Variants in CA8 observed in about 807,000 individuals in gnomAD.
The protein encoded by CA8 is carbonic anhydrase 8 (inactive).
A neutral mutation model predicts 41.4 loss-of-function variants in CA8; 22 were observed. The observed-to-expected ratio is 0.53, with a 90% CI of 0.38 to 0.76. The LOEUF is 0.76. CA8 is among the 30% of genes least tolerant of loss of function. The pLI is 0.00. For missense variants in CA8, 270 were observed against 352.8 expected (o/e 0.77, Z 1.88); for synonymous variants, 121 against 130.6 (o/e 0.93, Z 0.50).
chr8:60,232,441 A>C, intron 3 of CA8, 62 bp from the exon 4 acceptor site: 5 of 1,094,528 alleles, frequency 4.6e-6, no homozygotes, highest in Non-Finnish European at 7.1e-6. Context: ...CATAAAAGCA[A>C]AGATATAGCC....
At chr8:60,240,719 C>G (rs946078241) in intron 3 of CA8, among the ~76,000 whole-genome samples, 1 of 116,788 alleles carries the variant, frequency 8.6e-6, no homozygotes, top group Non-Finnish European at 1.7e-5. Context: ...GCTTAATTGC[C>G]TTCCTCAGCC....
chr8:60,233,244 A>C (rs1294482592), intron 3 of CA8, among the ~76,000 whole-genome samples: 3 of 152,232 alleles, frequency 2.0e-5, no homozygotes, highest in African/African-American at 7.2e-5. Flanking sequence ...ACGTCGCCTT[A>C]TTTTAAAATT....
chr8:60,208,689 C>G, intron 8 of CA8, 61 bp downstream of exon 8: 1 of 1,404,896 alleles, frequency 7.1e-7, no homozygotes, highest in Non-Finnish European at 1.0e-6. Context: ...ATAAGTGTAC[C>G]TTTGGTACGC....
rs562996437 is a variant in CA8 at position 60,197,365 on chromosome 8, T to A, written c.*36-7380A>T. 3.9e-5 allele frequency among the ~76,000 whole-genome samples: 6 copies of A among 151,962 alleles called. No homozygotes were observed. In the South Asian group the frequency reaches 1.0e-3, roughly 26 times the overall value. On this transcript the variant is annotated intron_variant, in intron 8 of 8. Coordinates refer to ENST00000317995, the MANE Select transcript of CA8 (RefSeq NM_004056.6). Reference sequence around the variant, plus strand: ...TATATGTAACCATATGAGACACATATATAAAGAGAGGTCAATGGACAATCA... The same window carrying A: ...TATATGTAACCATATGAGACACATAAATAAAGAGAGGTCAATGGACAATCA...
chr8:60,245,786 A>G (rs1276691316), intron 3 of CA8, among the ~76,000 whole-genome samples: 1 of 152,214 alleles, frequency 6.6e-6, no homozygotes, highest in African/African-American at 2.4e-5. Context: ...GGAACAGGAA[A>G]GGCATCAATG....
At chr8:60,228,627 C>T (rs770210538) in intron 4 of CA8, among the ~76,000 whole-genome samples, 16 of 152,296 alleles carry the variant, frequency 1.1e-4, no homozygotes, top group Non-Finnish European at 1.5e-4. Context: ...TACATCCTTC[C>T]GCTTCCTCAG....
At chr8:60,195,083 C>A (rs985825745) in intron 8 of CA8, among the ~76,000 whole-genome samples, 1 of 152,176 alleles carries the variant, frequency 6.6e-6, no homozygotes, top group African/African-American at 2.4e-5. Flanking sequence ...AGGCTGAACT[C>A]CTCCCTTTGG....
At chr8:60,207,268 C>A (rs1806621566) in intron 8 of CA8, among the ~76,000 whole-genome samples, 1 of 152,214 alleles carries the variant, frequency 6.6e-6, no homozygotes, top group African/African-American at 2.4e-5. Flanking sequence ...GTCTGTAAAG[C>A]CTCCCACAAG....
intron 6 of CA8, among the ~76,000 whole-genome samples, 188 bp from the exon 7 acceptor site, chr8:60,222,949 T>G (rs1430115157): frequency 6.6e-6 from 1 of 152,258 alleles, no homozygotes; most frequent in Non-Finnish European, 1.5e-5. Context: ...AAAAGCATGA[T>G]GAATTCTCTA....
chr8:60,227,011 G>T, intron 4 of CA8, 76 bp from the exon 5 acceptor site: 2 of 1,031,774 alleles, frequency 1.9e-6, no homozygotes, highest in Non-Finnish European at 3.1e-6. Context: ...AACTAATAGG[G>T]CTGAGTGTGG....
At chr8:60,240,405 A>G (rs1807981303) in intron 3 of CA8, among the ~76,000 whole-genome samples, 1 of 152,242 alleles carries the variant, frequency 6.6e-6, no homozygotes, top group African/African-American at 2.4e-5. Flanking sequence ...AACAGACATT[A>G]GAAGTCAGCT....
At chr8:60,266,572 C>G (rs1188912454) in intron 2 of CA8, among the ~76,000 whole-genome samples, 1 of 152,184 alleles carries the variant, frequency 6.6e-6, no homozygotes, top group Non-Finnish European at 1.5e-5. Flanking sequence ...AATGAAATCA[C>G]ACTTTAATAG....
At chr8:60,212,646 C>T (rs901393270) in intron 7 of CA8, among the ~76,000 whole-genome samples, 1 of 152,142 alleles carries the variant, frequency 6.6e-6, no homozygotes, top group Non-Finnish European at 1.5e-5. Flanking sequence ...TGGCAGGAAG[C>T]AGAAATGGGG....
chr8:60,192,223 C>T (rs1381619795), intron 8 of CA8, among the ~76,000 whole-genome samples: 1 of 151,890 alleles, frequency 6.6e-6, no homozygotes, highest in Non-Finnish European at 1.5e-5. Flanking sequence ...AATGAAATCA[C>T]AATCTGGGGT....
intron 8 of CA8, among the ~76,000 whole-genome samples, chr8:60,199,140 A>G (rs1182809267): frequency 6.6e-6 from 1 of 152,226 alleles, no homozygotes; most frequent in African/African-American, 2.4e-5. Context: ...TTTATTTACA[A>G]AAAACTAAAA....
intron 3 of CA8, among the ~76,000 whole-genome samples, chr8:60,261,862 T>C (rs189490158): frequency 6.6e-6 from 1 of 152,000 alleles, no homozygotes; most frequent in Admixed American, 6.6e-5. Flanking sequence ...CAGGCGCCCG[T>C]CACCACACCC....
At chr8:60,191,474 G>A (rs1313591391) in intron 8 of CA8, among the ~76,000 whole-genome samples, 2 of 151,978 alleles carry the variant, frequency 1.3e-5, no homozygotes, top group African/African-American at 4.8e-5. Context: ...TTGAAAAAAC[G>A]AATCCATGTT....
chr8:60,267,587 G>A (rs1470458288), intron 2 of CA8, among the ~76,000 whole-genome samples: 7 of 152,122 alleles, frequency 4.6e-5, no homozygotes, highest in African/African-American at 1.4e-4. Context: ...GCAGAAAAGC[G>A]GGATGAAGAG....
chr8:60,235,007 T>C (rs994756150), intron 3 of CA8, among the ~76,000 whole-genome samples: 1 of 152,198 alleles, frequency 6.6e-6, no homozygotes, highest in Non-Finnish European at 1.5e-5. Flanking sequence ...GTAACCTAGG[T>C]GCGTGGCTCA....
Sources: gnomAD v4.1 joint callset for allele counts (sites outside exome capture counted in the v4.1 genomes callset) on GRCh38, gnomAD v4.1.1 for gene constraint, MANE v1.5 for transcripts, NCBI Gene and HGNC (gene_info 2026-07-23, HGNC 2026-07-21) for gene names.